Variants in RTN3 observed in about 807,000 individuals in gnomAD.
RTN3 encodes the protein reticulon 3.
A neutral mutation model predicts 77.8 loss-of-function variants in RTN3; 49 were observed. That is an observed-to-expected ratio of 0.63 (90% CI 0.50 to 0.80). The LOEUF (loss-of-function observed/expected upper bound fraction) is 0.80. RTN3 is among the 30% of genes least tolerant of loss of function. The pLI is 0.00. For missense variants in RTN3, 1,236 were observed against 1,211.9 expected, an observed-to-expected ratio of 1.02 and a Z score of -0.29; for synonymous variants, 464 against 446.9, an observed-to-expected ratio of 1.04 and a Z score of -0.48.
At chr11:63,750,267 A>C in intron 4 of RTN3, 69 bp downstream of exon 4, 1 of 1,311,672 alleles carries the variant, frequency 7.6e-7, no homozygotes, top group Non-Finnish European at 1.1e-6. Context: ...GATAGGTCTA[A>C]AACTCAGACC....
chr11:63,750,281 C>A, intron 4 of RTN3, 83 bp downstream of exon 4: 1 of 1,179,162 alleles, frequency 8.5e-7, no homozygotes, highest in Non-Finnish European at 1.2e-6. Context: ...TCAGACCTGA[C>A]TAAAAATCAA....
At chr11:63,704,208 G>C (rs1942384418) in intron 1 of RTN3, among the ~76,000 whole-genome samples, 1 of 151,502 alleles carries the variant, frequency 6.6e-6, no homozygotes, top group African/African-American at 2.4e-5. Flanking sequence ...TCACCATGTT[G>C]GCCAGGCTGG....
In RTN3 at chr11:63,758,655, G is replaced by GA. The variant is rs1565053230; in HGVS notation, c.*454_*455insA. 6.2e-6 allele frequency: 2 copies of GA among 321,974 alleles called. No homozygotes were observed. Among genetic ancestry groups the GA allele is most frequent in the Non-Finnish European group, 1.1e-5 (2 of 179,424 alleles). 19.9% of individuals were successfully genotyped at this position (321,974 alleles called of 1,614,324 possible). ...GGACAGGAGTGTGATACCTTCCTTG[G>GA]TTTTTTTTTGCAGCCCTCAAATCCT... On this transcript the variant is annotated 3_prime_UTR_variant, in exon 9 of 9. Transcript: ENST00000377819.
At chr11:63,692,541 G>A (rs949893788) in intron 1 of RTN3, among the ~76,000 whole-genome samples, 4 of 151,924 alleles carry the variant, frequency 2.6e-5, no homozygotes, top group African/African-American at 4.8e-5. Context: ...GACAGATCAC[G>A]AGGTCAGGAG....
intron 1 of RTN3, among the ~76,000 whole-genome samples, chr11:63,697,889 T>A (rs1211567498): frequency 6.6e-6 from 1 of 152,006 alleles, no homozygotes; most frequent in African/African-American, 2.4e-5. Flanking sequence ...CTCCTTTCTG[T>A]CTTTCTGTAA....
chr11:63,721,284 T>C (rs1057198083), intron 3 of RTN3, among the ~76,000 whole-genome samples: 9 of 152,124 alleles, frequency 5.9e-5, no homozygotes, highest in Non-Finnish European at 1.2e-4. Flanking sequence ...TAAATATTTT[T>C]TCTATGCTCG....
chr11:63,751,504 C>T (rs1476104450), intron 4 of RTN3, among the ~76,000 whole-genome samples: 1 of 152,190 alleles, frequency 6.6e-6, no homozygotes, highest in Admixed American at 6.6e-5. Flanking sequence ...TCTTGAAAAT[C>T]TTACCCCATA....
intron 3 of RTN3, among the ~76,000 whole-genome samples, chr11:63,727,823 A>G (rs1046822877): frequency 2.0e-5 from 3 of 152,166 alleles, no homozygotes; most frequent in Admixed American, 2.0e-4. Context: ...AGGAGAGGAA[A>G]GTGAGAGAGA....
chr11:63,741,932 G>T lies in RTN3; in HGVS notation c.2531-8059G>T, dbSNP rs1565338659. ...ATGGTAGCTTTATATTTAAAATCAG[G>T]TCATGTTAATCTTCTAACTTTATTT... On this transcript the variant is annotated intron_variant, in intron 3 of 8. Transcript: ENST00000377819. 2.0e-5 allele frequency among the ~76,000 whole-genome samples: 3 copies of T among 151,290 alleles called. No individual in the cohort carries two copies. The South Asian group carries it at 6.3e-4, about 32-fold the overall frequency.
chr11:63,754,534 A>G (rs2135061487), intron 7 of RTN3, among the ~76,000 whole-genome samples: 1 of 152,196 alleles, frequency 6.6e-6, no homozygotes, highest in South Asian at 2.1e-4. Flanking sequence ...CCCCATCTCT[A>G]CTAAAAATAC....
intron 3 of RTN3, among the ~76,000 whole-genome samples, chr11:63,735,102 T>C (rs1003926750): frequency 6.6e-6 from 1 of 152,038 alleles, no homozygotes; most frequent in African/African-American, 2.4e-5. Context: ...TCTCTGCTCA[T>C]TGTAACCTCC....
intron 2 of RTN3, among the ~76,000 whole-genome samples, chr11:63,716,842 G>A (rs1394382304): frequency 2.0e-5 from 3 of 152,114 alleles, no homozygotes; most frequent in South Asian, 4.2e-4. Flanking sequence ...GGCGGCGGGT[G>A]CCTGTAGTCC....
At chr11:63,757,815 G>T (rs1413447073) in intron 8 of RTN3, among the ~76,000 whole-genome samples, 1 of 150,462 alleles carries the variant, frequency 6.6e-6, no homozygotes, top group African/African-American at 2.4e-5. Context: ...CACCTCCCGG[G>T]TTCAAGCGAT....
At chr11:63,685,340 A>T (rs1470856644) in intron 1 of RTN3, among the ~76,000 whole-genome samples, 1 of 151,488 alleles carries the variant, frequency 6.6e-6, no homozygotes, top group Non-Finnish European at 1.5e-5. Flanking sequence ...ACTAAAAAAT[A>T]CAAAAATTAG....
In RTN3 at chr11:63,759,828, A is replaced by C. The variant is rs1445953774; in HGVS notation, c.*1627A>C. 4 of 151,772 alleles carry C rather than the reference A, an allele frequency of 2.6e-5. No homozygotes were observed. Among genetic ancestry groups the C allele is most frequent in the African/African-American group, 9.7e-5 (4 of 41,188 alleles). 9.4% of individuals were successfully genotyped at this position (151,772 alleles called of 1,614,324 possible). Reference sequence around the variant, plus strand: ...ATACAGTAGCACCTAAGGAGCTTGAATCTTGGTTCCTGTAAAATTTCAAAT... The same window carrying C: ...ATACAGTAGCACCTAAGGAGCTTGACTCTTGGTTCCTGTAAAATTTCAAAT... On this transcript the variant is annotated 3_prime_UTR_variant, in exon 9 of 9. Transcript: ENST00000377819.
At chr11:63,713,805 C>G (rs963300585) in intron 2 of RTN3, among the ~76,000 whole-genome samples, 2 of 152,114 alleles carry the variant, frequency 1.3e-5, no homozygotes, top group Non-Finnish European at 2.9e-5. Context: ...TTGAAAGGCT[C>G]TTAGAGTGCA....
intron 2 of RTN3, 89 bp from the exon 3 acceptor site, chr11:63,718,613 A>G: frequency 1.1e-6 from 1 of 883,172 alleles, no homozygotes; most frequent in Non-Finnish European, 1.6e-6. Flanking sequence ...TATGTAATTT[A>G]AAAAATAAAA....
chr11:63,682,907 A>T (rs554671400), intron 1 of RTN3, among the ~76,000 whole-genome samples: 2 of 152,216 alleles, frequency 1.3e-5, no homozygotes, highest in East Asian at 1.9e-4. Flanking sequence ...GGGAAAAAAA[A>T]TGCCTTTTGT....
intron 1 of RTN3, among the ~76,000 whole-genome samples, chr11:63,696,344 C>T: frequency 6.7e-6 from 1 of 149,568 alleles, no homozygotes; most frequent in South Asian, 2.2e-4. Context: ...TTGCAGTGAG[C>T]CGAGATCACA....
Sources: allele counts gnomAD v4.1 joint callset (sites outside exome capture counted in the v4.1 genomes callset), GRCh38; gene constraint gnomAD v4.1.1; transcripts MANE v1.5; gene names NCBI Gene and HGNC (gene_info 2026-07-23, HGNC 2026-07-21).